Variants in CTNNA3 observed in about 807,000 individuals in gnomAD.
CTNNA3 encodes the protein catenin alpha 3, also known as catenin alpha-3.
Under a neutral mutation model 95.7 loss-of-function variants are expected in CTNNA3, and 76 were observed. The ratio of observed to expected loss-of-function variants is 0.79; its 90% confidence interval spans 0.66 to 0.96. The LOEUF (loss-of-function observed/expected upper bound fraction) is 0.96, where lower values mean the gene tolerates loss of function less well. Ranked by LOEUF, CTNNA3 falls within the 40% of genes least tolerant of loss-of-function variation. CTNNA3 has a pLI of 0.00. For synonymous variants in CTNNA3, 431 were observed against 374.4 expected (o/e 1.15, Z -1.74); for missense variants, 1,191 against 1,089.8 (o/e 1.09, Z -1.31).
At chr10:67,646,201 T>TA (rs751490977) in intron 2 of CTNNA3, among the ~76,000 whole-genome samples, 43 of 146,368 alleles carry the variant, frequency 2.9e-4, no homozygotes, top group African/African-American at 9.6e-4. Flanking sequence ...TTTTTTTTTT[T>TA]AAACAGGGTC....
intron 10 of CTNNA3, among the ~76,000 whole-genome samples, chr10:66,618,512 G>A (rs1844614544): frequency 6.6e-6 from 1 of 152,162 alleles, no homozygotes; most frequent in Non-Finnish European, 1.5e-5. Context: ...GCCATAGGTA[G>A]AAAGCTGAAA....
chr10:66,309,772 A>G (rs956261766), intron 12 of CTNNA3, among the ~76,000 whole-genome samples: 1 of 148,428 alleles, frequency 6.7e-6, no homozygotes, highest in African/African-American at 2.5e-5. Context: ...AAAAAATAAT[A>G]TCCTTGGCCA....
At chr10:67,609,403 C>T (rs982160934) in intron 2 of CTNNA3, among the ~76,000 whole-genome samples, 16 of 151,738 alleles carry the variant, frequency 1.1e-4, no homozygotes, top group African/African-American at 3.1e-4. Context: ...ATGGAGCATT[C>T]GATGTTTGTT....
chr10:66,734,173 A>G (rs1849054782), intron 9 of CTNNA3, among the ~76,000 whole-genome samples: 1 of 151,996 alleles, frequency 6.6e-6, no homozygotes, highest in African/African-American at 2.4e-5. Flanking sequence ...TTGACTTTTT[A>G]AAGAAACTTC....
At chr10:67,610,652 G>T (rs1359397962) in intron 2 of CTNNA3, among the ~76,000 whole-genome samples, 1 of 152,184 alleles carries the variant, frequency 6.6e-6, no homozygotes, top group Admixed American at 6.5e-5. Flanking sequence ...CCCACCTCTT[G>T]AAGGAATACC....
At chr10:67,367,541 T>A (rs981805882) in intron 5 of CTNNA3, among the ~76,000 whole-genome samples, 21 of 152,182 alleles carry the variant, frequency 1.4e-4, no homozygotes, top group Admixed American at 1.4e-3. Flanking sequence ...AGAATTACCA[T>A]GCGAACAGCA....
intron 13 of CTNNA3, among the ~76,000 whole-genome samples, chr10:66,157,534 GAT>G (rs2084606342): frequency 1.8e-5 from 2 of 113,178 alleles, no homozygotes; most frequent in East Asian, 5.4e-4. Context: ...TAGATAGATA[GAT>G]AGATAATCAC....
chr10:67,410,896 G>T (rs763512671), intron 5 of CTNNA3, among the ~76,000 whole-genome samples: 7 of 152,080 alleles, frequency 4.6e-5, no homozygotes, highest in Non-Finnish European at 7.4e-5. Context: ...CTTTTGATTT[G>T]CCACAACATT....
At position 67,492,680 on chromosome 10, in the gene CTNNA3, C is replaced by T. The variant is rs1203939135; in HGVS notation, c.579+29162G>A. ...GTAAGGAAGTGATACTTAAGCTGAACCCTGAATGATAAGAAGGAATTGTCC... is the reference window on the plus strand; with the variant it reads ...GTAAGGAAGTGATACTTAAGCTGAATCCTGAATGATAAGAAGGAATTGTCC... On this transcript the variant is annotated intron_variant, in intron 5 of 17. Transcript: ENST00000433211. Among the ~76,000 whole-genome samples the T allele has an allele frequency of 3.9e-5, 6 of 152,156 alleles. No individual in the cohort carries two copies. In the East Asian group the frequency reaches 1.2e-3, roughly 29 times the overall value.
intron 5 of CTNNA3, among the ~76,000 whole-genome samples, chr10:67,241,410 G>A (rs1294828922): frequency 6.7e-6 from 1 of 150,020 alleles, no homozygotes; most frequent in African/African-American, 2.5e-5. Flanking sequence ...GTGACAGAGT[G>A]AGACTGTTTC....
At chr10:67,524,395 C>CAAAAAAAA (rs200850487) in intron 4 of CTNNA3, among the ~76,000 whole-genome samples, 16 of 70,274 alleles carry the variant, frequency 2.3e-4, no homozygotes, top group South Asian at 3.8e-4. Context: ...GACTCTGTCT[C>CAAAAAAAA]AAAAAAAAAA....
rs3056794 is a variant in CTNNA3, at chr10:67,208,378, C to CAAAAAAAAAAAAAAAAA, written c.843+11212_843+11228dup. On this transcript the variant is annotated intron_variant, in intron 6 of 17. Transcript: ENST00000433211. ...TGGGTGACAGAGCAAGACTCTGTCT[C>CAAAAAAAAAAAAAAAAA]AAAAAAAAAAAAAAAAATAGCCACA... Among the ~76,000 whole-genome samples the CAAAAAAAAAAAAAAAAA allele has an allele frequency of 8.6e-5, 8 of 93,172 alleles. No individual in the cohort carries two copies. The East Asian group carries it at 1.7e-3, about 20-fold the overall frequency. 61.1% of individuals were successfully genotyped at this position (93,172 alleles called of 152,430 possible). A position where few individuals can be genotyped will look rare whatever the true frequency, so the allele number is the denominator to read the frequency against.
At chr10:67,367,386 A>G (rs1203625710) in intron 5 of CTNNA3, among the ~76,000 whole-genome samples, 3 of 151,988 alleles carry the variant, frequency 2.0e-5, no homozygotes, top group Admixed American at 6.6e-5. Context: ...ACAAGTCAGA[A>G]TGTCTATTAA....
chr10:67,696,324 T>C (rs1241649648), upstream of CTNNA3, among the ~76,000 whole-genome samples: 3 of 152,160 alleles, frequency 2.0e-5, no homozygotes, highest in Non-Finnish European at 4.4e-5. Context: ...CCTACAAACA[T>C]AGCTCTGAAT....
chr10:66,779,948 G>C (rs910428355), intron 7 of CTNNA3, among the ~76,000 whole-genome samples: 4 of 152,208 alleles, frequency 2.6e-5, no homozygotes, highest in South Asian at 4.1e-4. Context: ...ATAACACATG[G>C]ATTGATGAGA....
chr10:66,102,388 G>T (rs1479729582), intron 14 of CTNNA3, among the ~76,000 whole-genome samples: 1 of 152,090 alleles, frequency 6.6e-6, no homozygotes, highest in Non-Finnish European at 1.5e-5. Flanking sequence ...TCATATGAAG[G>T]ATACTATTAG....
intron 4 of CTNNA3, among the ~76,000 whole-genome samples, chr10:67,527,149 T>C (rs1258007053): frequency 1.3e-5 from 2 of 152,000 alleles, no homozygotes; most frequent in African/African-American, 2.4e-5. Flanking sequence ...CCCAGTTACT[T>C]GTGAGGCTGA....
chr10:66,753,898 A>G (rs1839265137), intron 9 of CTNNA3, among the ~76,000 whole-genome samples: 1 of 152,122 alleles, frequency 6.6e-6, no homozygotes, highest in South Asian at 2.1e-4. Flanking sequence ...CTAAATAAGT[A>G]GAAAGACAAC....
chr10:67,595,061 T>C (rs1203303025), intron 3 of CTNNA3, among the ~76,000 whole-genome samples: 1 of 152,204 alleles, frequency 6.6e-6, no homozygotes, highest in Non-Finnish European at 1.5e-5. Flanking sequence ...TGTCATTAAT[T>C]TGTTCCTTTT....
Sources: gnomAD v4.1 joint callset for allele counts (sites outside exome capture counted in the v4.1 genomes callset) on GRCh38, gnomAD v4.1.1 for gene constraint, MANE v1.5 for transcripts, NCBI Gene and HGNC (gene_info 2026-07-23, HGNC 2026-07-21) for gene names.